DHX32: variants seen among roughly 807,000 people sequenced by gnomAD.
DHX32 encodes putative pre-mRNA-splicing factor ATP-dependent RNA helicase DHX32.
A neutral mutation model predicts 70.0 loss-of-function variants in DHX32; 51 were observed. The observed-to-expected ratio is 0.73, with a 90% confidence interval of 0.58 to 0.92. The LOEUF (loss-of-function observed/expected upper bound fraction) is 0.92. Ranked by LOEUF, DHX32 falls within the 40% of genes least tolerant of loss-of-function variation. The pLI, the probability that DHX32 is intolerant of heterozygous loss-of-function variation, is 0.00. For missense variants in DHX32, 762 were observed against 891.8 expected (o/e 0.85, Z 1.85); for synonymous variants, 310 against 315.3 (o/e 0.98, Z 0.18).
At chr10:125,853,076 C>G in intron 4 of DHX32, 1 of 1,340,340 alleles carries the variant, frequency 7.5e-7, no homozygotes. Context: ...CCAATCATAA[C>G]AGCTAATACA....
chr10:125,863,800 C>T (rs893764727), intron 2 of DHX32, among the ~76,000 whole-genome samples: 1 of 152,146 alleles, frequency 6.6e-6, no homozygotes, highest in Non-Finnish European at 1.5e-5. Flanking sequence ...TCAATCTGAG[C>T]TTATTCAAAA....
chr10:125,865,119 C>A lies in DHX32; in HGVS notation c.476+1871G>T, dbSNP rs573137490. 3.9e-5 allele frequency among the ~76,000 whole-genome samples: 6 copies of A among 152,006 alleles called. No individual in the cohort carries two copies. The South Asian group carries it at 1.2e-3, about 32-fold the overall frequency. ...ATTAACTTCAGAACCTAGTCAGAGC[C>A]ATCATTTAATTAAAAACATAATTCA... On this transcript the variant is annotated intron_variant, in intron 2 of 10. Transcript: ENST00000284690.
At chr10:125,880,275 T>C (rs1053634114) in intron 1 of DHX32, among the ~76,000 whole-genome samples, 2 of 152,218 alleles carry the variant, frequency 1.3e-5, no homozygotes, top group Non-Finnish European at 2.9e-5. Context: ...AATTTAATAC[T>C]AGGATCATTT....
At chr10:125,863,330 G>A (rs1419389840) in intron 2 of DHX32, among the ~76,000 whole-genome samples, 1 of 152,096 alleles carries the variant, frequency 6.6e-6, no homozygotes, top group Non-Finnish European at 1.5e-5. Flanking sequence ...AAAAATAGTA[G>A]TAGGCTTAAA....
rs139253125 is a variant in DHX32 at position 125,843,805 on chromosome 10, G to A, written c.1352-1871C>T. ...ACCAGATATAACTTCAGCCTGACGC[G>A]CCCACCACAGGCAAAAGATCTGCTA... On this transcript the variant is annotated intron_variant, in intron 6 of 10. Coordinates refer to ENST00000284690, the MANE Select transcript of DHX32 (RefSeq NM_018180.3). 4.3e-4 allele frequency among the ~76,000 whole-genome samples: 65 copies of A among 152,250 alleles called. No homozygotes were observed. The East Asian group carries it at 8.1e-3, about 19-fold the overall frequency.
At chr10:125,855,215 C>G (rs1330947855) in intron 3 of DHX32, among the ~76,000 whole-genome samples, 3 of 144,916 alleles carry the variant, frequency 2.1e-5, no homozygotes, top group Non-Finnish European at 3.0e-5. Context: ...AGTGAGACTC[C>G]GTCTCAAAAA....
At position 125,841,006 on chromosome 10, in the gene DHX32, G is replaced by A; in HGVS notation, c.1544-10C>T. On this transcript the variant is annotated splice_polypyrimidine_tract_variant and intron_variant, in intron 7 of 10. Coordinates refer to ENST00000284690, the MANE Select transcript of DHX32 (RefSeq NM_018180.3). ...GAAAAGCAATTTGGAGCTTCAAAAT[G>A]AAAAAGGTCACATGGTTAGCAATAA... The A allele has an allele frequency of 6.3e-7, 1 of 1,589,734 alleles. No homozygotes were observed. Among genetic ancestry groups the A allele is most frequent in the Non-Finnish European group, 8.6e-7 (1 of 1,164,324 alleles).
intron 3 of DHX32, among the ~76,000 whole-genome samples, chr10:125,858,061 G>T (rs1944160020): frequency 6.6e-6 from 1 of 151,692 alleles, no homozygotes; most frequent in African/African-American, 2.4e-5. Flanking sequence ...CACCATGCCT[G>T]GCTAATTTTT....
intron 6 of DHX32, among the ~76,000 whole-genome samples, chr10:125,850,354 C>CTTTTTTTTTTTTTTTTT (rs765077777): frequency 1.6e-5 from 2 of 124,558 alleles, no homozygotes; most frequent in East Asian, 2.2e-4. Context: ...TTCTTTCTTT[C>CTTTTTTTTTTTTTTTTT]TTTTTTTTTT....
At chr10:125,893,798 A>G (rs1334334375) in intron 1 of DHX32, among the ~76,000 whole-genome samples, 2 of 152,278 alleles carry the variant, frequency 1.3e-5, no homozygotes, top group African/African-American at 4.8e-5. Flanking sequence ...CAAAAATGAA[A>G]ACTTCCTTCA....
In DHX32 at chr10:125,866,969, GACTGAACCCCACA is replaced by G. The variant is rs1944224003; in HGVS notation, c.476+8_476+20del. The G allele has an allele frequency of 1.2e-6, 2 of 1,606,096 alleles. No homozygotes were observed. Among genetic ancestry groups the G allele is most frequent in the Non-Finnish European group, 1.7e-6 (2 of 1,175,324 alleles). On this transcript the variant is annotated splice_region_variant and intron_variant, in intron 2 of 10. Transcript: ENST00000284690. This position sits in a 1 kb window ranked among gnomAD's most constrained non-coding sequence, Gnocchi z 4.8. The stretch of plus-strand genomic sequence containing the variant: ...AGCCAAGAATCATCAGCAGGGAGCG[GACTGAACCCCACA>G]AACCAACCTCAGGATTGTTTCGTTG...
At chr10:125,893,486 G>C (rs967783711) in intron 1 of DHX32, among the ~76,000 whole-genome samples, 1 of 152,116 alleles carries the variant, frequency 6.6e-6, no homozygotes, top group Non-Finnish European at 1.5e-5. Flanking sequence ...CTCGTGATCC[G>C]CCTGCCTTGG....
chr10:125,870,679 A>G (rs893644232), intron 1 of DHX32, among the ~76,000 whole-genome samples: 6 of 152,070 alleles, frequency 3.9e-5, no homozygotes, highest in African/African-American at 1.4e-4. Context: ...TCTATTAAAA[A>G]TACAAAAATT....
Position 125,859,912 on chromosome 10 carries a change from C to G in DHX32, c.540G>C (p.Gly180=). The change falls in exon 3 of 11, where the codon GGG becomes GGC. Residue 180 remains glycine, a synonymous_variant. Coordinates refer to ENST00000284690, the MANE Select transcript of DHX32 (RefSeq NM_018180.3). The part of the protein sequence containing the change: ...MMSNPFLGSY[G]VIILDDIHER... ...CATGAATATCATCTAAGATGATGACCCCATAGCTACCCAAAAAAGGATTGG... is the reference window on the plus strand; with the variant it reads ...CATGAATATCATCTAAGATGATGACGCCATAGCTACCCAAAAAAGGATTGG... 1 of 1,612,816 alleles carries G rather than the reference C, an allele frequency of 6.2e-7. No homozygotes were observed. Among genetic ancestry groups the G allele is most frequent in the Non-Finnish European group, 8.5e-7 (1 of 1,179,562 alleles).
chr10:125,857,531 T>C (rs1331556748), intron 3 of DHX32, among the ~76,000 whole-genome samples: 5 of 152,220 alleles, frequency 3.3e-5, no homozygotes, highest in Non-Finnish European at 7.3e-5. Context: ...ACTGCAAGAC[T>C]GATGGTTTCT....
intron 2 of DHX32, among the ~76,000 whole-genome samples, chr10:125,863,744 C>T (rs984442210): frequency 2.6e-5 from 4 of 152,106 alleles, no homozygotes; most frequent in Non-Finnish European, 4.4e-5. Context: ...CCACCGTGCC[C>T]GGCCAATCAA....
At position 125,841,861 on chromosome 10, in the gene DHX32, A is replaced by G. The variant is rs767938640; in HGVS notation, c.1425T>C (p.Ser475=). 6 of 1,613,864 alleles carry G rather than the reference A, an allele frequency of 3.7e-6. No individual in the cohort carries two copies. In the South Asian group the frequency reaches 6.6e-5, roughly 18 times the overall value. Residue 475 remains serine, a synonymous_variant, in exon 7 of 11, where the codon TCT becomes TCC. Coordinates refer to ENST00000284690, the MANE Select transcript of DHX32 (RefSeq NM_018180.3). ...ACTCTGACATGATGATTCCAAATTC[A>G]GAAAGATTTCCATCATTATCCAGTG... is the stretch of plus-strand genomic sequence containing the variant. ...LAALDNDGNL[S]EFGIIMSEFP... is the part of the protein sequence containing the mutation.
Position 125,841,743 on chromosome 10 carries a change from C to T in DHX32, c.1543G>A (p.Ala515Thr), listed in dbSNP as rs752953061. ...EVLTIAAMVT[A>T]PNCFSHVPHG... ...GAAAAGGAATAGTCATTAAGGATAC[C>T]TGTTACCATGGCTGCGATTGTTAGC... The change falls in exon 7 of 11, where the codon GCT becomes ACT. Residue 515 changes from alanine (A) to threonine (T), a missense_variant and splice_region_variant. By Grantham distance (58) the Ala-to-Thr change is moderately conservative. Around this residue, in one of 3 missense-constraint regions of DHX32, gnomAD observed 366 missense variants for 402.6 expected, o/e 0.91. Coordinates refer to ENST00000284690, the MANE Select transcript of DHX32 (RefSeq NM_018180.3). 2.5e-6 allele frequency: 4 copies of T among 1,609,514 alleles called. No individual in the cohort carries two copies. The South Asian group carries it at 4.5e-5, about 18-fold the overall frequency.
At chr10:125,841,590 A>G (rs989560306) in intron 7 of DHX32, 153 bp downstream of exon 7, 1 of 1,445,198 alleles carries the variant, frequency 6.9e-7, no homozygotes, top group Non-Finnish European at 9.0e-7. Context: ...TTTCTAACCT[A>G]TTAAAATACC....
Sources: gnomAD v4.1 joint callset for allele counts (sites outside exome capture counted in the v4.1 genomes callset) on GRCh38, gnomAD v4.1.1 for gene constraint, gnomAD v4.1.1 regional missense constraint, Gnocchi (gnomAD v3.1) non-coding constraint, MANE v1.5 for transcripts, NCBI Gene and HGNC (gene_info 2026-07-23, HGNC 2026-07-21) for gene names.